RAI14: variants seen among roughly 807,000 people sequenced by gnomAD.
RAI14 encodes ankycorbin.
Under a neutral mutation model 115.4 loss-of-function variants are expected in RAI14, and 45 were observed. The ratio of observed to expected loss-of-function variants is 0.39; its 90% CI spans 0.31 to 0.50. The LOEUF (loss-of-function observed/expected upper bound fraction) is 0.50. Among genes scored for constraint, RAI14 ranks in the 20% least tolerant of loss-of-function variants. The pLI is 0.85. For synonymous variants in RAI14, 371 were observed against 415.4 expected, an observed-to-expected ratio of 0.89 and a Z score of 1.30; for missense variants, 939 against 1,131.2, an observed-to-expected ratio of 0.83 and a Z score of 2.44.
Position 34,752,749 on chromosome 5 carries a change from GTATATA to G in RAI14, c.37-4707_37-4702del, listed in dbSNP as rs71600954. ...TGTGTGTGTGTGTGTGTGTGTGTGTGTATATATATATATATATGTATCTTTTCTTTT... is the reference window on the plus strand; with the variant it reads ...TGTGTGTGTGTGTGTGTGTGTGTGTGTATATATATATGTATCTTTTCTTTT... On this transcript the variant is annotated intron_variant, in intron 2 of 17. Transcript: ENST00000265109. Among the ~76,000 whole-genome samples the G allele has an allele frequency of 1.0e-3, 109 of 107,054 alleles. 1 individual carries two copies. The highest frequency in any genetic ancestry group is 3.4e-3 in the African/African-American group (90 of 26,514). 70.2% of individuals were successfully genotyped at this position (107,054 alleles called of 152,430 possible). A position where few individuals can be genotyped will look rare whatever the true frequency, so the allele number is the denominator to read the frequency against.
At chr5:34,712,772 CTT>C (rs1741550252) in intron 2 of RAI14, among the ~76,000 whole-genome samples, 2 of 152,036 alleles carry the variant, frequency 1.3e-5, no homozygotes, top group African/African-American at 2.4e-5. Context: ...TGTCAGGTCT[CTT>C]TATTACAGGA....
At position 34,824,039 on chromosome 5, in the gene RAI14, C is replaced by T. The variant is rs780255120; in HGVS notation, c.2197C>T (p.His733Tyr). ...QKENSVSITE[H>Y]LQVITTLRTA... ...AGAGAACTCTGTCTCTATCACAGAACATTTGCAAGTGATAACCACGCTGCG... is the reference window on the plus strand; with the variant it reads ...AGAGAACTCTGTCTCTATCACAGAATATTTGCAAGTGATAACCACGCTGCG... Residue 733 changes from histidine (H) to tyrosine (Y), a missense_variant, in exon 15 of 18, where the codon CAT (histidine) becomes TAT (tyrosine). Physicochemically the swap from His to Tyr is moderately conservative, Grantham distance 83. Transcript: ENST00000265109. The T allele has an allele frequency of 1.2e-6, 2 of 1,614,052 alleles. No individual in the cohort carries two copies. The highest frequency in any genetic ancestry group is 8.5e-7 in the Non-Finnish European group (1 of 1,179,920).
At chr5:34,796,109 T>C in intron 4 of RAI14, 82 bp downstream of exon 4, 2 of 1,176,312 alleles carry the variant, frequency 1.7e-6, no homozygotes. Context: ...TTATGGAAAA[T>C]TTAAGGCCAG....
At chr5:34,814,720 A>G (rs1755999875) in intron 12 of RAI14, 51 bp downstream of exon 12, 19 of 1,376,874 alleles carry the variant, frequency 1.4e-5, no homozygotes, top group Non-Finnish European at 1.9e-5. Context: ...GATACATGAT[A>G]GACTTGCTTT....
chr5:34,659,007 T>C (rs1051315153), intron 1 of RAI14: 3 of 152,144 alleles, frequency 2.0e-5, no homozygotes, highest in African/African-American at 7.2e-5. Context: ...TAACCTCTAA[T>C]GTGAAGTTAG....
intron 2 of RAI14, among the ~76,000 whole-genome samples, chr5:34,719,801 G>T (rs1363934087): frequency 6.6e-6 from 1 of 152,286 alleles, no homozygotes; most frequent in Non-Finnish European, 1.5e-5. Context: ...TAATATCAAG[G>T]TGTAAGACGC....
At chr5:34,821,681 G>T in intron 13 of RAI14, 51 bp from the exon 14 acceptor site, 1 of 1,085,804 alleles carries the variant, frequency 9.2e-7, no homozygotes, top group Non-Finnish European at 1.4e-6. Context: ...TCAGGTTAGA[G>T]AAATAAGAGT....
intron 2 of RAI14, among the ~76,000 whole-genome samples, chr5:34,729,501 G>T: frequency 6.6e-6 from 1 of 152,284 alleles, no homozygotes; most frequent in African/African-American, 2.4e-5. Context: ...AAAGAGAGAA[G>T]CCACCAGACA....
At chr5:34,669,005 T>C (rs191643253) in intron 1 of RAI14, among the ~76,000 whole-genome samples, 68 of 152,218 alleles carry the variant, frequency 4.5e-4, no homozygotes, top group Non-Finnish European at 6.6e-4. Context: ...TACAGGCGTG[T>C]GCCACCACGT....
intron 3 of RAI14, among the ~76,000 whole-genome samples, chr5:34,765,111 C>T (rs1208830055): frequency 2.0e-5 from 3 of 152,194 alleles, no homozygotes; most frequent in African/African-American, 7.2e-5. Context: ...GAGGCCTCCC[C>T]AGCCATGTGG....
intron 10 of RAI14, among the ~76,000 whole-genome samples, chr5:34,812,682 A>G (rs918928152): frequency 3.9e-5 from 6 of 152,076 alleles, no homozygotes; most frequent in African/African-American, 1.4e-4. Flanking sequence ...AAAAGGTGGT[A>G]AAGCTTTCCT....
intron 2 of RAI14, among the ~76,000 whole-genome samples, chr5:34,699,191 G>A (rs1425601202): frequency 6.6e-6 from 1 of 152,230 alleles, no homozygotes; most frequent in African/African-American, 2.4e-5. Flanking sequence ...ATCATTCTAA[G>A]CAACTTAACA....
chr5:34,831,802 AC>A lies in RAI14; in HGVS notation c.*1039del, dbSNP rs2150322192. 6.6e-6 allele frequency: 1 copy of A among 152,330 alleles called. No homozygotes were observed. Among genetic ancestry groups the A allele is most frequent in the African/African-American group, 2.4e-5 (1 of 41,586 alleles). The allele number at this position is 152,330 out of a possible 1,614,324, so 9.4% of individuals were successfully genotyped here. ...TATGCCAGACCTAATATGAGCTGCC[AC>A]CAACACCCCTAGAACTTTCAGCCAT... On this transcript the variant is annotated 3_prime_UTR_variant, in exon 18 of 18. Transcript: ENST00000265109.
At chr5:34,766,375 G>T (rs886723543) in intron 3 of RAI14, among the ~76,000 whole-genome samples, 1 of 152,156 alleles carries the variant, frequency 6.6e-6, no homozygotes, top group African/African-American at 2.4e-5. Context: ...GGGCGGAGCT[G>T]CACAAGACCA....
At chr5:34,807,102 G>A (rs781554545) in intron 5 of RAI14, among the ~76,000 whole-genome samples, 5 of 152,248 alleles carry the variant, frequency 3.3e-5, no homozygotes, top group South Asian at 2.1e-4. Context: ...CCGCATTTGG[G>A]AGTCACTAGC....
intron 3 of RAI14, among the ~76,000 whole-genome samples, chr5:34,789,748 G>A (rs1752710236): frequency 6.6e-6 from 1 of 152,158 alleles, no homozygotes; most frequent in African/African-American, 2.4e-5. Context: ...TTGGTGGCAT[G>A]TTTTGAGTGT....
At chr5:34,766,243 C>G (rs981741971) in intron 3 of RAI14, among the ~76,000 whole-genome samples, 3 of 152,154 alleles carry the variant, frequency 2.0e-5, no homozygotes, top group African/African-American at 7.2e-5. Context: ...GGCCACAATC[C>G]TCCAGCCCCC....
intron 2 of RAI14, among the ~76,000 whole-genome samples, chr5:34,752,703 A>ATATGTG (rs1554051436): frequency 3.6e-5 from 3 of 83,012 alleles, no homozygotes; most frequent in African/African-American, 1.1e-4. Flanking sequence ...TCTTACATAT[A>ATATGTG]TGTGTGTGTG....
intron 2 of RAI14, among the ~76,000 whole-genome samples, chr5:34,753,940 G>A (rs553116053): frequency 6.6e-6 from 1 of 151,146 alleles, no homozygotes; most frequent in East Asian, 1.9e-4. Context: ...AATTAGCCAG[G>A]CATGGTGGCA....
Sources: allele counts gnomAD v4.1 joint callset (sites outside exome capture counted in the v4.1 genomes callset), GRCh38; gene constraint gnomAD v4.1.1; transcripts MANE v1.5; gene names NCBI Gene and HGNC (gene_info 2026-07-23, HGNC 2026-07-21).